PTPRT: variants seen among roughly 807,000 people sequenced by gnomAD.
The protein encoded by PTPRT is receptor-type tyrosine-protein phosphatase T.
Under a neutral mutation model 176.8 loss-of-function variants are expected in PTPRT, and 56 were observed. The ratio of observed to expected loss-of-function variants is 0.32; its 90% CI spans 0.26 to 0.40. The LOEUF (loss-of-function observed/expected upper bound fraction) is 0.40, where lower values mean the gene tolerates loss of function less well. Among genes scored for constraint, PTPRT ranks in the 10% least tolerant of loss-of-function variants. The pLI, the probability that PTPRT is intolerant of heterozygous loss-of-function variation, is 1.00. For missense variants in PTPRT, 1,540 were observed against 1,908.2 expected (o/e 0.81, Z 3.60); for synonymous variants, 783 against 739.0 (o/e 1.06, Z -0.96).
intron 1 of PTPRT, among the ~76,000 whole-genome samples, chr20:43,048,643 T>C (rs955977998): frequency 2.0e-5 from 3 of 152,158 alleles, no homozygotes; most frequent in Non-Finnish European, 2.9e-5. Flanking sequence ...GTGGCCCTCA[T>C]AGAGAAGTCT....
At chr20:42,662,510 A>G (rs1185142321) in intron 7 of PTPRT, among the ~76,000 whole-genome samples, 1 of 152,182 alleles carries the variant, frequency 6.6e-6, no homozygotes. Flanking sequence ...GTTTGCAGGC[A>G]AAGTCAGTGG....
At chr20:42,255,984 AC>A (rs766201695) in intron 13 of PTPRT, among the ~76,000 whole-genome samples, 2 of 152,166 alleles carry the variant, frequency 1.3e-5, no homozygotes, top group Non-Finnish European at 2.9e-5. Flanking sequence ...CTGGCAGTTT[AC>A]CCCAGTCTAC....
At chr20:43,136,699 G>A (rs550453435) in intron 1 of PTPRT, among the ~76,000 whole-genome samples, 65 of 152,252 alleles carry the variant, frequency 4.3e-4, no homozygotes, top group Non-Finnish European at 8.4e-4. Flanking sequence ...CTAATGATAC[G>A]TGTATTTTCT....
intron 6 of PTPRT, among the ~76,000 whole-genome samples, chr20:42,716,958 T>C (rs1236792021): frequency 6.6e-6 from 1 of 151,742 alleles, no homozygotes; most frequent in African/African-American, 2.4e-5. Flanking sequence ...ACACCGCATG[T>C]TCTCACTCAT....
At chr20:43,183,340 T>C (rs1270986148) in intron 1 of PTPRT, among the ~76,000 whole-genome samples, 1 of 152,148 alleles carries the variant, frequency 6.6e-6, no homozygotes, top group East Asian at 1.9e-4. Context: ...GGCTTGACAA[T>C]TTACAGGTAT....
intron 2 of PTPRT, among the ~76,000 whole-genome samples, chr20:42,830,430 T>A (rs1569180249): frequency 6.6e-6 from 1 of 152,156 alleles, no homozygotes; most frequent in Non-Finnish European, 1.5e-5. Flanking sequence ...ATACACTACG[T>A]ATTCAAAGAA....
chr20:42,537,182 G>A (rs182894870), intron 7 of PTPRT, among the ~76,000 whole-genome samples: 6 of 152,154 alleles, frequency 3.9e-5, no homozygotes, highest in Admixed American at 2.6e-4. Flanking sequence ...ATATATATAC[G>A]TGTTGGAAGT....
rs565249333 is a variant in PTPRT at position 42,885,623 on chromosome 20, T to C, written c.214+184A>G. ...CTGAATCCAGGTGACATGTGACTAG[T>C]ATCAAATCCTGAAGAATTCATTCAG... On this transcript the variant is annotated intron_variant, in intron 2 of 30. Transcript: ENST00000373187. Among the ~76,000 whole-genome samples the C allele has an allele frequency of 2.6e-5, 4 of 152,290 alleles. No homozygotes were observed. In the South Asian group the frequency reaches 8.3e-4, roughly 32 times the overall value.
At position 42,382,242 on chromosome 20, in the gene PTPRT, CTT is replaced by C. The variant is rs1038498524; in HGVS notation, c.1561-29959_1561-29958del. 3.4e-4 allele frequency among the ~76,000 whole-genome samples: 52 copies of C among 152,174 alleles called. 1 individual carries two copies. Among genetic ancestry groups the C allele is most frequent in the Non-Finnish European group, 7.3e-5 (5 of 68,038 alleles). On this transcript the variant is annotated intron_variant, in intron 9 of 30. Transcript: ENST00000373187. Reference sequence around the variant, plus strand: ...CATACAATGGCATCTATAGAGGAGACTTTGATAAAATTGAAGTTTTGATGGAC... The same window carrying C: ...CATACAATGGCATCTATAGAGGAGACTGATAAAATTGAAGTTTTGATGGAC...
intron 2 of PTPRT, among the ~76,000 whole-genome samples, chr20:42,832,586 G>A (rs2078108005): frequency 6.6e-6 from 1 of 151,320 alleles, no homozygotes; most frequent in Non-Finnish European, 1.5e-5. Context: ...TGTAAAAAAG[G>A]ATCATTCCAA....
intron 1 of PTPRT, among the ~76,000 whole-genome samples, chr20:42,896,041 C>T (rs533446373): frequency 1.1e-4 from 16 of 152,216 alleles, no homozygotes; most frequent in East Asian, 5.8e-4. Flanking sequence ...GCTAGCCCTA[C>T]GGATAAGGGA....
the PTPRT span, chr20:42,064,077 C>T: frequency 1.3e-5 from 2 of 150,724 alleles, no homozygotes; most frequent in Admixed American, 1.3e-4. Context: ...CCGGCTTTAT[C>T]CAAACTGTAT....
intron 4 of PTPRT, among the ~76,000 whole-genome samples, chr20:42,773,971 T>A (rs976695113): frequency 3.9e-5 from 6 of 152,220 alleles, no homozygotes; most frequent in African/African-American, 1.4e-4. Context: ...CTCTGACTCC[T>A]CTCCACTTCT....
At chr20:42,887,075 A>G (rs1000692993) in intron 1 of PTPRT, among the ~76,000 whole-genome samples, 1 of 152,188 alleles carries the variant, frequency 6.6e-6, no homozygotes, top group Non-Finnish European at 1.5e-5. Flanking sequence ...AGGGTGCATC[A>G]CATCACCATC....
chr20:43,023,010 C>T (rs1214106464), intron 1 of PTPRT, among the ~76,000 whole-genome samples: 1 of 152,204 alleles, frequency 6.6e-6, no homozygotes, highest in Non-Finnish European at 1.5e-5. Flanking sequence ...ATAGCAAGGG[C>T]AGGTCCCTCC....
At chr20:42,551,390 C>A (rs988331568) in intron 7 of PTPRT, among the ~76,000 whole-genome samples, 2 of 152,076 alleles carry the variant, frequency 1.3e-5, no homozygotes, top group African/African-American at 2.4e-5. Flanking sequence ...CATCCATAGA[C>A]AAATTTCAAT....
chr20:42,721,548 C>T (rs781297098), intron 6 of PTPRT, among the ~76,000 whole-genome samples: 1 of 152,214 alleles, frequency 6.6e-6, no homozygotes, highest in Non-Finnish European at 1.5e-5. Context: ...AGTGGATACA[C>T]AGCCATGCTG....
chr20:42,594,790 C>T (rs2073641845), intron 7 of PTPRT, among the ~76,000 whole-genome samples: 1 of 152,196 alleles, frequency 6.6e-6, no homozygotes, highest in Admixed American at 6.5e-5. Context: ...AGCTTTCTGT[C>T]TCCTCCTGCA....
intron 6 of PTPRT, among the ~76,000 whole-genome samples, chr20:42,719,866 CACAGGGTAAGA>C (rs1156382965): frequency 6.6e-6 from 1 of 152,150 alleles, no homozygotes; most frequent in Non-Finnish European, 1.5e-5. Context: ...GCCACTCTGA[CACAGGGTAAGA>C]ACGGATGTGG....
Sources: allele counts gnomAD v4.1 joint callset (sites outside exome capture counted in the v4.1 genomes callset), GRCh38; gene constraint gnomAD v4.1.1; transcripts MANE v1.5; gene names NCBI Gene and HGNC (gene_info 2026-07-23, HGNC 2026-07-21).